Variants in ANKRD27 observed in about 807,000 individuals in gnomAD.
ANKRD27 encodes the protein ankyrin repeat domain-containing protein 27.
In ANKRD27, 112 loss-of-function variants were observed where a neutral mutation model predicts 129.7. The observed-to-expected ratio is 0.86, with a 90% CI of 0.74 to 1.01. The LOEUF (loss-of-function observed/expected upper bound fraction) is 1.01. Among genes scored for constraint, ANKRD27 ranks in the 50% least tolerant of loss-of-function variants. The pLI, the probability that ANKRD27 is intolerant of heterozygous loss-of-function variation, is 0.00. For missense variants in ANKRD27, 1,258 were observed against 1,300.5 expected (o/e 0.97, Z 0.50); for synonymous variants, 516 against 511.2 (o/e 1.01, Z -0.13).
chr19:32,661,650 T>C (rs1021157851), intron 1 of ANKRD27, among the ~76,000 whole-genome samples: 1 of 152,134 alleles, frequency 6.6e-6, no homozygotes, highest in Non-Finnish European at 1.5e-5. Context: ...GCCAGAAGTT[T>C]TGATGTGAAT....
chr19:32,604,367 C>G lies in ANKRD27; in HGVS notation c.2551G>C (p.Val851Leu), dbSNP rs1432029176. 6.8e-6 allele frequency: 11 copies of G among 1,613,708 alleles called. No individual in the cohort carries two copies. The highest frequency in any genetic ancestry group is 9.3e-6 in the Non-Finnish European group (11 of 1,179,648). ...ACCACGAAGACGTGCTTTTCAATCA[C>G]AGCCTCGTGCAGCGCTGTGTTGCCC... ...NKGNTALHEA[V>L]IEKHVFVVEL... The change falls in exon 25 of 29, where the codon GTG becomes CTG. Residue 851 changes from valine to leucine, a missense_variant. Coordinates refer to ENST00000306065, the MANE Select transcript of ANKRD27 (RefSeq NM_032139.3).
At chr19:32,609,107 CAAAA>C (rs57945865) in intron 22 of ANKRD27, among the ~76,000 whole-genome samples, 3 of 135,718 alleles carry the variant, frequency 2.2e-5, no homozygotes, top group African/African-American at 2.7e-5. Flanking sequence ...ACTCCATCTC[CAAAA>C]AAAAAAAAAA....
At chr19:32,656,112 G>GAA (rs750226601) in intron 2 of ANKRD27, among the ~76,000 whole-genome samples, 1 of 111,158 alleles carries the variant, frequency 9.0e-6, no homozygotes, top group African/African-American at 3.6e-5. Context: ...AGAAAGAAAA[G>GAA]AAAAGAAAAG....
rs572219742 is a variant in ANKRD27 at position 32,639,498 on chromosome 19, G to A, written c.984-10C>T. ...ACTCAAATTTGCCATCCTAATGAAA[G>A]GAAGAAAAAAGTTATGTTGTTGTCT... On this transcript the variant is annotated splice_polypyrimidine_tract_variant and intron_variant, in intron 11 of 28. Transcript: ENST00000306065. 1.2e-6 allele frequency: 2 copies of A among 1,607,194 alleles called. No homozygotes were observed. The highest frequency in any genetic ancestry group is 1.3e-5 in the African/African-American group (1 of 74,628).
At chr19:32,601,882 T>C in intron 26 of ANKRD27, 133 bp downstream of exon 26, 4 of 595,508 alleles carry the variant, frequency 6.7e-6, no homozygotes, top group South Asian at 6.5e-5. Flanking sequence ...CATACATTTC[T>C]TTGGTGCCTG....
At chr19:32,641,200 C>T (rs1405752933) in intron 10 of ANKRD27, among the ~76,000 whole-genome samples, 6 of 150,780 alleles carry the variant, frequency 4.0e-5, no homozygotes, top group Admixed American at 2.6e-4. Flanking sequence ...CGCGCCCAGC[C>T]GACCCTGTCT....
chr19:32,621,995 T>C (rs1181286148), intron 18 of ANKRD27, among the ~76,000 whole-genome samples: 1 of 152,102 alleles, frequency 6.6e-6, no homozygotes, highest in Non-Finnish European at 1.5e-5. Flanking sequence ...CATTAACAAA[T>C]TATGTATGAA....
chr19:32,609,837 T>TTATA (rs1568397954), intron 22 of ANKRD27, among the ~76,000 whole-genome samples: 1 of 28,368 alleles, frequency 3.5e-5, no homozygotes, highest in Non-Finnish European at 1.5e-4. Context: ...TAAATTATAA[T>TTATA]GTATATAATT....
intron 3 of ANKRD27, among the ~76,000 whole-genome samples, chr19:32,648,571 C>A (rs986751590): frequency 6.6e-6 from 1 of 152,108 alleles, no homozygotes. Context: ...GAGGCCGAGG[C>A]GGGTGGATCA....
At chr19:32,610,685 G>A (rs895540218) in intron 22 of ANKRD27, among the ~76,000 whole-genome samples, 14 of 151,938 alleles carry the variant, frequency 9.2e-5, no homozygotes, top group South Asian at 4.1e-4. Flanking sequence ...CCAGCTACTC[G>A]GGAGGCTGAG....
chr19:32,628,807 T>C lies in ANKRD27; in HGVS notation c.1252A>G (p.Ser418Gly), dbSNP rs1966937695. 1 of 1,614,058 alleles carries C rather than the reference T, an allele frequency of 6.2e-7. No individual in the cohort carries two copies. The highest frequency in any genetic ancestry group is 1.3e-5 in the African/African-American group (1 of 74,932). Residue 418 changes from serine (S) to glycine (G), a missense_variant, in exon 14 of 29, where the codon AGC becomes GGC. Ser to Gly is a moderately conservative substitution (Grantham distance 56). Transcript: ENST00000306065. ...GNQKEVERLL[S>G]QEDHDKDTVQ... ...GTATCTTTATCATGGTCCTCTTGGC[T>C]CAGAAGTCTCTCCACTTCTTTCTGG...
At position 32,640,301 on chromosome 19, in the gene ANKRD27, T is replaced by C; in HGVS notation, c.983+6A>G. ...TTCAAAAGAGTATCTTAAAAGAAAA[T>C]GTTACCAATTAGGGATCTCCGTTTT... On this transcript the variant is annotated splice_donor_region_variant and intron_variant, in intron 11 of 28. Transcript: ENST00000306065. 6.2e-7 allele frequency: 1 copy of C among 1,611,176 alleles called. No individual in the cohort carries two copies. The highest frequency in any genetic ancestry group is 8.5e-7 in the Non-Finnish European group (1 of 1,177,780).
chr19:32,604,521 T>G (rs761307072), intron 24 of ANKRD27, 97 bp from the exon 25 acceptor site: 35 of 1,226,408 alleles, frequency 2.9e-5, no homozygotes, highest in Non-Finnish European at 3.5e-5. Flanking sequence ...AACACATTGT[T>G]TTTTTTATGT....
intron 18 of ANKRD27, among the ~76,000 whole-genome samples, chr19:32,622,023 T>G (rs906943694): frequency 1.3e-5 from 2 of 152,110 alleles, no homozygotes; most frequent in African/African-American, 4.8e-5. Flanking sequence ...ACACTCGATG[T>G]CCAGAACTGG....
rs185259675 is a variant in ANKRD27, at chr19:32,616,404, T to C, written c.2053-624A>G. Among the ~76,000 whole-genome samples the C allele has an allele frequency of 3.5e-3, 525 of 151,982 alleles. 2 individuals carry two copies. Among genetic ancestry groups the C allele is most frequent in the African/African-American group, 0.012 (511 of 41,470 alleles). On this transcript the variant is annotated intron_variant, in intron 21 of 28. Transcript: ENST00000306065. ...CCCGTCTCTGCTAAAAATACAAAAA[T>C]TAGCTGGGTGTGGTGGCGCATGCCT... is the stretch of plus-strand genomic sequence containing the variant.
rs199654067 is a variant in ANKRD27, at chr19:32,628,084, A to T, written c.1419T>A (p.Cys473Ter). ...GHTPLHVAAV[C>*]GQASLIDLLV... ...AGGGGCCAGCCCAGGACCACATACC[A>T]CAGACAGCAGCCACATGGAGAGGGG... The change falls in exon 15 of 29, where the codon TGT becomes TGA. Residue 473 changes from cysteine (C) to a stop codon, truncating the protein, a stop_gained and splice_region_variant. Transcript: ENST00000306065. LOFTEE classifies it high-confidence loss of function. The T allele has an allele frequency of 1.5e-5, 24 of 1,613,944 alleles. No homozygotes were observed.
At chr19:32,618,254 G>C (rs1170693883) in intron 20 of ANKRD27, among the ~76,000 whole-genome samples, 1 of 151,172 alleles carries the variant, frequency 6.6e-6, no homozygotes, top group Non-Finnish European at 1.5e-5. Flanking sequence ...TGAGGCCATG[G>C]TCGCCTTGGA....
chr19:32,667,369 T>A (rs1967779943), intron 1 of ANKRD27, among the ~76,000 whole-genome samples: 1 of 152,240 alleles, frequency 6.6e-6, no homozygotes, highest in Admixed American at 6.5e-5. Context: ...GTATTTTCCT[T>A]TCTGTTTTAT....
intron 9 of ANKRD27, 50 bp from the exon 10 acceptor site, chr19:32,642,195 C>T: frequency 1.3e-6 from 2 of 1,502,046 alleles, no homozygotes; most frequent in Non-Finnish European, 9.0e-7. Flanking sequence ...TAAGAGAACC[C>T]TCTGGCCTGG....
Sources: allele counts gnomAD v4.1 joint callset (sites outside exome capture counted in the v4.1 genomes callset), GRCh38; gene constraint gnomAD v4.1.1; transcripts MANE v1.5; gene names NCBI Gene and HGNC (gene_info 2026-07-23, HGNC 2026-07-21).